GPC6: variants seen among roughly 807,000 people sequenced by gnomAD.
GPC6 encodes glypican-6.
A neutral mutation model predicts 55.2 loss-of-function variants in GPC6; 14 were observed. The observed-to-expected ratio is 0.25, with a 90% CI of 0.17 to 0.40. The LOEUF is 0.40. GPC6 is among the 10% of genes least tolerant of loss of function. The pLI, the probability that GPC6 is intolerant of heterozygous loss-of-function variation, is 1.00. For missense variants in GPC6, 641 were observed against 708.5 expected, an observed-to-expected ratio of 0.90 and a Z score of 1.08; for synonymous variants, 278 against 259.6, an observed-to-expected ratio of 1.07 and a Z score of -0.68.
intron 2 of GPC6, among the ~76,000 whole-genome samples, chr13:93,744,466 C>A (rs1302819643): frequency 6.6e-6 from 1 of 150,398 alleles, no homozygotes; most frequent in Admixed American, 6.6e-5. Context: ...CCTACCAGGA[C>A]CTTCAACTCA....
At chr13:94,030,097 G>A (rs1036340196) in intron 4 of GPC6, among the ~76,000 whole-genome samples, 7 of 151,740 alleles carry the variant, frequency 4.6e-5, no homozygotes, top group African/African-American at 1.7e-4. Flanking sequence ...CCGCCTCCCG[G>A]GTTCATGCCA....
rs550312946 is a variant in GPC6 at position 94,373,559 on chromosome 13, C to T, written c.1153-8855C>T. On this transcript the variant is annotated intron_variant, in intron 6 of 8. Transcript: ENST00000377047. ...ATCAAAGCCTCCAAGAAATATGGGA[C>T]TATGTGAAAAGACCAAATCTACGTC... Among the ~76,000 whole-genome samples, 20 of 152,226 alleles carry T rather than the reference C, an allele frequency of 1.3e-4. No individual in the cohort carries two copies. The South Asian group carries it at 4.2e-3, about 32-fold the overall frequency.
intron 1 of GPC6, among the ~76,000 whole-genome samples, chr13:93,316,046 A>G (rs537664718): frequency 4.6e-5 from 7 of 152,192 alleles, no homozygotes; most frequent in East Asian, 1.9e-4. Flanking sequence ...TGAGGCCACC[A>G]TCAGATTTTT....
intron 7 of GPC6, among the ~76,000 whole-genome samples, chr13:94,392,478 G>T (rs1880694750): frequency 6.8e-6 from 1 of 146,032 alleles, no homozygotes; most frequent in Non-Finnish European, 1.5e-5. Flanking sequence ...GCCCAGGCTG[G>T]AGTGCAATGG....
chr13:93,550,732 A>G (rs1266962625), intron 2 of GPC6, among the ~76,000 whole-genome samples: 2 of 152,124 alleles, frequency 1.3e-5, no homozygotes, highest in Non-Finnish European at 2.9e-5. Context: ...AAAAAACCCT[A>G]AATAGGTTTC....
At chr13:93,581,582 CT>C (rs1264006933) in intron 2 of GPC6, among the ~76,000 whole-genome samples, 4 of 152,118 alleles carry the variant, frequency 2.6e-5, no homozygotes, top group Admixed American at 2.6e-4. Context: ...TGGTGCACTC[CT>C]GTAGTCTTAG....
intron 2 of GPC6, among the ~76,000 whole-genome samples, chr13:93,718,318 T>C (rs962545762): frequency 1.3e-5 from 2 of 152,134 alleles, no homozygotes; most frequent in African/African-American, 4.8e-5. Flanking sequence ...GGACATGAGA[T>C]GATATCTCAC....
chr13:93,311,375 C>T (rs891473909), intron 1 of GPC6, among the ~76,000 whole-genome samples: 1 of 152,148 alleles, frequency 6.6e-6, no homozygotes, highest in Admixed American at 6.5e-5. Flanking sequence ...TCAGTTTCTT[C>T]TCCCAATCCC....
intron 1 of GPC6, among the ~76,000 whole-genome samples, chr13:93,458,601 C>T (rs985984140): frequency 5.3e-5 from 8 of 151,968 alleles, no homozygotes; most frequent in Non-Finnish European, 1.0e-4. Flanking sequence ...AATGATGGAA[C>T]GTAGAAAATT....
intron 4 of GPC6, among the ~76,000 whole-genome samples, chr13:94,204,191 A>C (rs1380054414): frequency 1.3e-5 from 2 of 152,168 alleles, no homozygotes; most frequent in African/African-American, 4.8e-5. Context: ...TTCTATATAC[A>C]AAATTCCAGC....
chr13:93,639,725 A>G (rs926096106), intron 2 of GPC6, among the ~76,000 whole-genome samples: 11 of 152,178 alleles, frequency 7.2e-5, no homozygotes, highest in Non-Finnish European at 1.0e-4. Flanking sequence ...GTAGATGGCA[A>G]AGCCAAAATG....
intron 2 of GPC6, among the ~76,000 whole-genome samples, chr13:93,743,354 TA>T (rs1884273848): frequency 6.6e-6 from 1 of 151,998 alleles, no homozygotes; most frequent in Non-Finnish European, 1.5e-5. Context: ...AATGAAATAA[TA>T]AAAAAATTAA....
chr13:94,390,093 G>C (rs1450218020), intron 7 of GPC6, among the ~76,000 whole-genome samples: 1 of 152,188 alleles, frequency 6.6e-6, no homozygotes, highest in South Asian at 2.1e-4. Context: ...CTAGAAAATA[G>C]ATCAGTCACT....
chr13:93,308,209 C>T (rs1054589584), intron 1 of GPC6, among the ~76,000 whole-genome samples: 10 of 152,058 alleles, frequency 6.6e-5, no homozygotes, highest in African/African-American at 1.9e-4. Context: ...GGCATGAACC[C>T]GGGAGGCAGA....
At chr13:93,921,568 C>G (rs1202011688) in intron 3 of GPC6, among the ~76,000 whole-genome samples, 2 of 151,954 alleles carry the variant, frequency 1.3e-5, no homozygotes, top group East Asian at 2.0e-4. Context: ...TGGCCGATCT[C>G]TCTGAACTTC....
chr13:93,329,548 A>G (rs1161425334), intron 1 of GPC6, among the ~76,000 whole-genome samples: 3 of 152,230 alleles, frequency 2.0e-5, no homozygotes, highest in Non-Finnish European at 4.4e-5. Context: ...GTTATCTCCT[A>G]AAGTTTCTAA....
chr13:93,637,852 T>C (rs1209842691), intron 2 of GPC6, among the ~76,000 whole-genome samples: 2 of 151,994 alleles, frequency 1.3e-5, no homozygotes, highest in African/African-American at 4.8e-5. Context: ...CTTGAAGAAA[T>C]AGAATAATAT....
chr13:93,391,128 G>A (rs775320354), intron 1 of GPC6, among the ~76,000 whole-genome samples: 8 of 152,028 alleles, frequency 5.3e-5, no homozygotes, highest in Non-Finnish European at 1.0e-4. Context: ...TCATGGAGCA[G>A]TGCTAAAATA....
chr13:93,827,720 G>A (rs1315437991), intron 2 of GPC6, among the ~76,000 whole-genome samples: 1 of 152,120 alleles, frequency 6.6e-6, no homozygotes, highest in African/African-American at 2.4e-5. Flanking sequence ...TGTTATTTGA[G>A]CCGTATTTAT....
Sources: allele counts gnomAD v4.1 joint callset (sites outside exome capture counted in the v4.1 genomes callset), GRCh38; gene constraint gnomAD v4.1.1; transcripts MANE v1.5; gene names NCBI Gene and HGNC (gene_info 2026-07-23, HGNC 2026-07-21).